Variants in FGGY observed in about 807,000 individuals in gnomAD.
FGGY encodes the protein FGGY carbohydrate kinase domain containing.
FGGY carries 72 observed loss-of-function variants against 71.3 expected under a neutral mutation model. The observed-to-expected ratio is 1.01, with a 90% CI of 0.84 to 1.23. FGGY has a LOEUF of 1.23. Ranked by LOEUF, FGGY falls within the 50% of genes most tolerant of loss-of-function variation. The pLI is 0.00. For missense variants in FGGY, 668 were observed against 682.3 expected (o/e 0.98, Z 0.23); for synonymous variants, 251 against 250.3 (o/e 1.00, Z -0.02).
intron 14 of FGGY, among the ~76,000 whole-genome samples, chr1:59,695,976 G>C (rs2097654838): frequency 6.6e-6 from 1 of 151,930 alleles, no homozygotes; most frequent in Non-Finnish European, 1.5e-5. Context: ...CTAACCATAT[G>C]TCAGTCTCCC....
rs749417347 is a variant in FGGY, at chr1:59,674,186, C to T, written c.1512+53C>T. ...GGCTCCTCCCCTGTCTGAGGCCATC[C>T]TTCCTCTTGACAGCAGCTCGCATTT... On this transcript the variant is annotated intron_variant, in intron 14 of 15. Coordinates refer to ENST00000303721, the MANE Select transcript of FGGY (RefSeq NM_018291.5). The T allele has an allele frequency of 3.2e-4, 452 of 1,390,978 alleles. 1 individual carries two copies. The highest frequency in any genetic ancestry group is 4.4e-4 in the Non-Finnish European group (435 of 990,256). The allele number at this position is 1,390,978 out of a possible 1,614,324, so 86.2% of individuals were successfully genotyped here.
intron 15 of FGGY, among the ~76,000 whole-genome samples, chr1:59,762,117 G>A (rs1274925970): frequency 3.3e-5 from 5 of 149,522 alleles, no homozygotes; most frequent in East Asian, 2.0e-4. Flanking sequence ...CCAGGCTGGA[G>A]CGAAGTGGTG....
At chr1:59,541,750 T>C (rs1469209408) in intron 7 of FGGY, among the ~76,000 whole-genome samples, 1 of 152,106 alleles carries the variant, frequency 6.6e-6, no homozygotes, top group Non-Finnish European at 1.5e-5. Context: ...GTACCAAAAA[T>C]ATGTACAGGG....
At chr1:59,311,316 G>A (rs1419734905) in intron 1 of FGGY, among the ~76,000 whole-genome samples, 1 of 151,800 alleles carries the variant, frequency 6.6e-6, no homozygotes, top group Admixed American at 6.6e-5. Context: ...AGAACCTGCA[G>A]GTTTGTTACA....
intron 5 of FGGY, among the ~76,000 whole-genome samples, chr1:59,380,877 T>G (rs2059340676): frequency 6.6e-6 from 1 of 151,568 alleles, no homozygotes; most frequent in Admixed American, 6.6e-5. Flanking sequence ...CATGCCTATG[T>G]CCTGAATGGT....
intron 5 of FGGY, among the ~76,000 whole-genome samples, chr1:59,430,226 G>T (rs572641678): frequency 6.6e-6 from 1 of 152,252 alleles, no homozygotes; most frequent in South Asian, 2.1e-4. Context: ...TCTGCCCTGT[G>T]ATAACTGGAG....
intron 9 of FGGY, among the ~76,000 whole-genome samples, chr1:59,625,444 T>A (rs535668699): frequency 6.6e-6 from 1 of 152,284 alleles, no homozygotes; most frequent in Non-Finnish European, 1.5e-5. Flanking sequence ...TCCTGACAGG[T>A]CTGGGGCATC....
chr1:59,591,809 A>G (rs1445684820), intron 8 of FGGY, among the ~76,000 whole-genome samples: 1 of 152,230 alleles, frequency 6.6e-6, no homozygotes, highest in Non-Finnish European at 1.5e-5. Context: ...TAAAGACTTA[A>G]ACGTTCGACC....
intron 11 of FGGY, among the ~76,000 whole-genome samples, chr1:59,650,548 A>G (rs1388969598): frequency 3.1e-4 from 31 of 98,906 alleles, no homozygotes; most frequent in Admixed American, 3.5e-4. Context: ...AGAGGTGTTT[A>G]TAGTATTCTC....
chr1:59,677,567 C>T (rs1341429803), intron 14 of FGGY, among the ~76,000 whole-genome samples: 1 of 152,148 alleles, frequency 6.6e-6, no homozygotes, highest in Non-Finnish European at 1.5e-5. Flanking sequence ...TCATAGGCCC[C>T]TGAATGGATG....
chr1:59,709,677 T>C (rs2097780280), intron 14 of FGGY, among the ~76,000 whole-genome samples: 1 of 152,192 alleles, frequency 6.6e-6, no homozygotes, highest in Non-Finnish European at 1.5e-5. Context: ...GTTAGGTCAG[T>C]AGTTCTCAAA....
At chr1:59,360,930 A>G (rs1423552442) in intron 4 of FGGY, among the ~76,000 whole-genome samples, 1 of 152,160 alleles carries the variant, frequency 6.6e-6, no homozygotes, top group Non-Finnish European at 1.5e-5. Context: ...GGCCCAGCTC[A>G]GATCTAACTC....
intron 14 of FGGY, among the ~76,000 whole-genome samples, chr1:59,723,183 A>G (rs144780227): frequency 1.4e-3 from 217 of 152,302 alleles, no homozygotes; most frequent in African/African-American, 1.8e-3. Context: ...GCTATTGTCA[A>G]TGCTTCTTGG....
chr1:59,371,978 C>G (rs1024708389), intron 4 of FGGY, among the ~76,000 whole-genome samples: 22 of 152,082 alleles, frequency 1.4e-4, no homozygotes, highest in East Asian at 5.8e-4. Flanking sequence ...AATTGACACC[C>G]TAACATCACA....
chr1:59,307,266 A>G (rs2043575603), intron 1 of FGGY, among the ~76,000 whole-genome samples: 1 of 148,628 alleles, frequency 6.7e-6, no homozygotes, highest in Admixed American at 6.8e-5. Flanking sequence ...ATGAGCTATA[A>G]TTGCATCACT....
intron 8 of FGGY, among the ~76,000 whole-genome samples, chr1:59,554,575 C>T (rs141024133): frequency 9.2e-5 from 14 of 152,264 alleles, no homozygotes; most frequent in East Asian, 5.8e-4. Flanking sequence ...GGGGTCTTCT[C>T]GGCAAAGAGT....
chr1:59,601,494 T>C (rs1043570767), intron 8 of FGGY, among the ~76,000 whole-genome samples: 3 of 152,166 alleles, frequency 2.0e-5, no homozygotes, highest in African/African-American at 7.2e-5. Context: ...TAATCCCAGC[T>C]CCATCATTTC....
chr1:59,365,588 C>A (rs781631280), intron 4 of FGGY, among the ~76,000 whole-genome samples: 3 of 152,212 alleles, frequency 2.0e-5, no homozygotes, highest in Non-Finnish European at 4.4e-5. Context: ...TGAACTCAAA[C>A]ATTGGGCTGG....
intron 4 of FGGY, among the ~76,000 whole-genome samples, chr1:59,371,982 C>T (rs971544533): frequency 1.7e-4 from 26 of 151,976 alleles, no homozygotes; most frequent in South Asian, 2.1e-4. Context: ...GACACCCTAA[C>T]ATCACAATTA....
Sources: allele counts gnomAD v4.1 joint callset (sites outside exome capture counted in the v4.1 genomes callset), GRCh38; gene constraint gnomAD v4.1.1; transcripts MANE v1.5; gene names NCBI Gene and HGNC (gene_info 2026-07-23, HGNC 2026-07-21).